Variants in PAFAH1B1 observed in about 807,000 individuals in gnomAD.
PAFAH1B1 encodes the protein platelet-activating factor acetylhydrolase IB subunit beta.
In PAFAH1B1, 2 loss-of-function variants were observed where a neutral mutation model predicts 57.5. The ratio of observed to expected loss-of-function variants is 0.03; its 90% confidence interval spans 0.01 to 0.11. The LOEUF is 0.11. Among genes scored for constraint, PAFAH1B1 ranks in the 10% least tolerant of loss-of-function variants. PAFAH1B1 has a pLI of 1.00. For missense variants in PAFAH1B1, 257 were observed against 512.0 expected, an observed-to-expected ratio of 0.50 and a Z score of 4.81; for synonymous variants, 152 against 169.6, an observed-to-expected ratio of 0.90 and a Z score of 0.81.
At chr17:2,673,141 C>T (rs4790087) in intron 7 of PAFAH1B1, among the ~76,000 whole-genome samples, 151,331 of 152,364 alleles carry the variant, frequency 0.99, 75,163 homozygotes, top group South Asian at 1. Context: ...GTTGCAGTCA[C>T]TTCGACTTTA....
chr17:2,677,918 A>G (rs2069297788), intron 9 of PAFAH1B1, among the ~76,000 whole-genome samples: 1 of 152,162 alleles, frequency 6.6e-6, no homozygotes, highest in Non-Finnish European at 1.5e-5. Flanking sequence ...TTCTGAGCGG[A>G]GTTCAGCTAT....
chr17:2,621,338 A>G (rs1480111147), intron 1 of PAFAH1B1, among the ~76,000 whole-genome samples: 2 of 152,258 alleles, frequency 1.3e-5, no homozygotes, highest in African/African-American at 2.4e-5. Flanking sequence ...TGGCTTTGCA[A>G]TCCTGTGTTA....
chr17:2,678,758 G>A (rs1471372653), intron 9 of PAFAH1B1, among the ~76,000 whole-genome samples: 1 of 152,058 alleles, frequency 6.6e-6, no homozygotes, highest in African/African-American at 2.4e-5. Flanking sequence ...GATGATGCAT[G>A]CCTATAGTCC....
chr17:2,595,646 A>C (rs2068077698), intron 1 of PAFAH1B1, among the ~76,000 whole-genome samples: 1 of 152,192 alleles, frequency 6.6e-6, no homozygotes, highest in East Asian at 1.9e-4. Flanking sequence ...TGCAAATTGC[A>C]GTTTTTAATA....
chr17:2,631,110 G>A (rs949619681), intron 1 of PAFAH1B1, among the ~76,000 whole-genome samples: 2 of 152,138 alleles, frequency 1.3e-5, no homozygotes, highest in East Asian at 1.9e-4. Context: ...GCGTGGTGGC[G>A]TGTGCTTGTA....
At chr17:2,669,971 T>C (rs2069158310) in intron 5 of PAFAH1B1, among the ~76,000 whole-genome samples, 192 bp from the exon 6 acceptor site, 1 of 152,218 alleles carries the variant, frequency 6.6e-6, no homozygotes, top group South Asian at 2.1e-4. Context: ...TTTTAATAAT[T>C]GCAACATTAG....
chr17:2,624,628 G>A (rs377516948), intron 1 of PAFAH1B1, among the ~76,000 whole-genome samples: 7 of 152,246 alleles, frequency 4.6e-5, no homozygotes, highest in African/African-American at 1.7e-4. Flanking sequence ...GACTGGCCCC[G>A]TGATTCAGTT....
rs192808703 is a variant in PAFAH1B1 at position 2,660,295 on chromosome 17, C to T, written c.33-5077C>T. On this transcript the variant is annotated intron_variant, in intron 2 of 10. Coordinates refer to ENST00000397195, the MANE Select transcript of PAFAH1B1 (RefSeq NM_000430.4). ...ATGTGCAGAATGTGCAGGTTTGTTA[C>T]ATAGGTAAATGTGTGCCATGGTGGT... is the stretch of plus-strand genomic sequence containing the variant. 2.6e-5 allele frequency among the ~76,000 whole-genome samples: 4 copies of T among 151,660 alleles called. No homozygotes were observed. In the East Asian group the frequency reaches 7.7e-4, roughly 29 times the overall value.
chr17:2,631,771 C>T (rs1253651263), intron 1 of PAFAH1B1, among the ~76,000 whole-genome samples: 2 of 152,162 alleles, frequency 1.3e-5, no homozygotes, highest in African/African-American at 4.8e-5. Context: ...CTGGTTTGTT[C>T]TTGCAGTGGA....
chr17:2,619,255 T>C (rs1457556055), intron 1 of PAFAH1B1, among the ~76,000 whole-genome samples: 2 of 152,092 alleles, frequency 1.3e-5, no homozygotes, highest in African/African-American at 2.4e-5. Flanking sequence ...TGGGCTTAGG[T>C]GATCCTCCCA....
intron 9 of PAFAH1B1, among the ~76,000 whole-genome samples, 191 bp downstream of exon 9, chr17:2,676,797 C>G (rs548793174): frequency 6.6e-6 from 1 of 152,228 alleles, no homozygotes; most frequent in African/African-American, 2.4e-5. Context: ...AATGCAGATT[C>G]TATAAAGAAT....
chr17:2,655,119 C>A (rs763438516), intron 2 of PAFAH1B1, among the ~76,000 whole-genome samples: 7 of 150,318 alleles, frequency 4.7e-5, no homozygotes, highest in Non-Finnish European at 1.0e-4. Context: ...TTTTTTTATT[C>A]TTTGGAAATT....
At chr17:2,603,181 A>G (rs1039328861) in intron 1 of PAFAH1B1, among the ~76,000 whole-genome samples, 2 of 151,700 alleles carry the variant, frequency 1.3e-5, no homozygotes, top group African/African-American at 2.4e-5. Flanking sequence ...TTTTTTTGAG[A>G]CAGGGTCTGG....
chr17:2,652,541 T>G (rs936282543), intron 2 of PAFAH1B1, among the ~76,000 whole-genome samples: 1 of 152,124 alleles, frequency 6.6e-6, no homozygotes, highest in Non-Finnish European at 1.5e-5. Context: ...TTAGTTGAGG[T>G]CCTGAGGTTT....
chr17:2,631,101 C>T (rs557360936), intron 1 of PAFAH1B1, among the ~76,000 whole-genome samples: 33 of 152,084 alleles, frequency 2.2e-4, no homozygotes, highest in African/African-American at 5.5e-4. Context: ...ATTAGCCAGG[C>T]GTGGTGGCGT....
chr17:2,603,663 A>G (rs1043454562), intron 1 of PAFAH1B1, among the ~76,000 whole-genome samples: 1 of 151,796 alleles, frequency 6.6e-6, no homozygotes, highest in East Asian at 1.9e-4. Context: ...ACACACACAC[A>G]TTTTTGTTTT....
intron 2 of PAFAH1B1, among the ~76,000 whole-genome samples, chr17:2,649,678 TTAAAA>T (rs1394861249): frequency 1.3e-5 from 2 of 152,234 alleles, no homozygotes; most frequent in Admixed American, 6.5e-5. Context: ...ATCACAACTC[TTAAAA>T]TAATAAAATT....
chr17:2,664,851 TAA>T (rs2069083049), intron 2 of PAFAH1B1, among the ~76,000 whole-genome samples: 2 of 152,188 alleles, frequency 1.3e-5, no homozygotes, highest in African/African-American at 4.8e-5. Flanking sequence ...GACAGTACAC[TAA>T]GTTTATACTG....
At chr17:2,640,369 T>A (rs1439537715) in intron 2 of PAFAH1B1, 4 of 137,122 alleles carry the variant, frequency 2.9e-5, no homozygotes, top group Non-Finnish European at 4.7e-5. Context: ...GTTCCTCAGC[T>A]TTTGTCTTTT....
Sources: gnomAD v4.1 joint callset for allele counts (sites outside exome capture counted in the v4.1 genomes callset) on GRCh38, gnomAD v4.1.1 for gene constraint, MANE v1.5 for transcripts, NCBI Gene and HGNC (gene_info 2026-07-23, HGNC 2026-07-21) for gene names.